Variants in SLC39A11 observed in about 807,000 individuals in gnomAD.
SLC39A11 encodes the protein solute carrier family 39 member 11, also known as zinc transporter ZIP11.
In SLC39A11, 33 loss-of-function variants were observed where a neutral mutation model predicts 36.1. That is an observed-to-expected ratio of 0.91 (90% CI 0.69 to 1.22). SLC39A11 has a LOEUF of 1.22. Among genes scored for constraint, SLC39A11 ranks in the 50% most tolerant of loss-of-function variants. The pLI is 0.00. For synonymous variants in SLC39A11, 166 were observed against 170.3 expected (o/e 0.97, Z 0.20); for missense variants, 432 against 430.3 (o/e 1.00, Z -0.03).
intron 3 of SLC39A11, among the ~76,000 whole-genome samples, chr17:73,083,928 T>G (rs887745561): frequency 1.3e-5 from 2 of 152,230 alleles, no homozygotes; most frequent in African/African-American, 4.8e-5. Context: ...TTATGTTTAT[T>G]TTTAAAAAGT....
At chr17:72,828,628 T>C (rs1170210332) in intron 6 of SLC39A11, among the ~76,000 whole-genome samples, 1 of 152,204 alleles carries the variant, frequency 6.6e-6, no homozygotes, top group Non-Finnish European at 1.5e-5. Context: ...GAGTTCCTGT[T>C]TGAGAGGAGT....
chr17:73,072,689 G>A (rs2060198376), intron 3 of SLC39A11: 1 of 152,182 alleles, frequency 6.6e-6, no homozygotes, highest in African/African-American at 2.4e-5. Context: ...TCCTCCCAGA[G>A]GAATCGGGAG....
At chr17:72,869,641 G>T (rs1411062670) in intron 5 of SLC39A11, among the ~76,000 whole-genome samples, 1 of 152,004 alleles carries the variant, frequency 6.6e-6, no homozygotes, top group African/African-American at 2.4e-5. Flanking sequence ...CGGCCTCCTC[G>T]GCCTCCCAAA....
In SLC39A11 at chr17:73,037,260, T is replaced by C. The variant is rs58288574; in HGVS notation, c.148-5546A>G. Among the ~76,000 whole-genome samples the C allele has an allele frequency of 6.4e-3, 981 of 152,306 alleles. 8 individuals are homozygous for C. The highest frequency in any genetic ancestry group is 0.023 in the African/African-American group (943 of 41,556). On this transcript the variant is annotated intron_variant, in intron 3 of 9. Transcript: ENST00000255559. The stretch of plus-strand genomic sequence containing the variant: ...GGTAAATAAGGGCCAAGGAGTGGAA[T>C]TGTTGGATCCTATGATAAGCATCAC...
chr17:72,947,487 C>A (rs1483467162), intron 5 of SLC39A11: 2 of 513,224 alleles, frequency 3.9e-6, no homozygotes, highest in African/African-American at 3.8e-5. Context: ...CCCCACTGTC[C>A]ACCTGTCCAA....
chr17:73,018,423 C>G (rs984621670), intron 4 of SLC39A11, among the ~76,000 whole-genome samples: 8 of 152,058 alleles, frequency 5.3e-5, no homozygotes, highest in African/African-American at 1.9e-4. Flanking sequence ...TGGCAGGCTC[C>G]TGTAATCTCA....
chr17:72,918,167 G>A (rs1338228439), intron 5 of SLC39A11, among the ~76,000 whole-genome samples: 1 of 152,182 alleles, frequency 6.6e-6, no homozygotes, highest in Admixed American at 6.5e-5. Context: ...CCAGCACTTT[G>A]GGAGGCCGAG....
chr17:72,801,484 C>T (rs1165551181), intron 6 of SLC39A11, among the ~76,000 whole-genome samples: 1 of 152,228 alleles, frequency 6.6e-6, no homozygotes, highest in Non-Finnish European at 1.5e-5. Flanking sequence ...GCCTCAGCCT[C>T]CCAAATCGCT....
chr17:72,678,189 A>G (rs1335633631), intron 7 of SLC39A11, among the ~76,000 whole-genome samples: 2 of 152,208 alleles, frequency 1.3e-5, no homozygotes, highest in South Asian at 4.1e-4. Context: ...CGCTCACAAA[A>G]GCCCATTTAA....
At chr17:72,878,351 AAGAC>A (rs1179948714) in intron 5 of SLC39A11, among the ~76,000 whole-genome samples, 2 of 152,158 alleles carry the variant, frequency 1.3e-5, no homozygotes, top group East Asian at 3.9e-4. Context: ...TTTCCAGAAA[AAGAC>A]AGCCCATTAG....
At chr17:72,860,141 A>G (rs1195285020) in intron 5 of SLC39A11, among the ~76,000 whole-genome samples, 1 of 151,896 alleles carries the variant, frequency 6.6e-6, no homozygotes, top group Non-Finnish European at 1.5e-5. Flanking sequence ...GAGCATGGAA[A>G]GAAAAACCCA....
chr17:72,936,825 CGA>C (rs1567983296), intron 5 of SLC39A11, among the ~76,000 whole-genome samples: 5 of 152,300 alleles, frequency 3.3e-5, no homozygotes, highest in Admixed American at 2.0e-4. Context: ...AAGGAAGGCG[CGA>C]CCTAGATCCC....
intron 5 of SLC39A11, among the ~76,000 whole-genome samples, chr17:72,917,896 G>T (rs755227934): frequency 2.0e-5 from 3 of 152,220 alleles, no homozygotes; most frequent in Non-Finnish European, 4.4e-5. Context: ...ACAGCAGGAA[G>T]GTCTCTGATG....
chr17:72,890,260 A>C lies in SLC39A11; in HGVS notation c.431-40456T>G, dbSNP rs1447019616. ...AGCTTGGGTGACAGAGTGAGACTCC[A>C]TCTCAAACAAACAACAACAACAACA... On this transcript the variant is annotated intron_variant, in intron 5 of 9. Coordinates refer to ENST00000255559, the MANE Select transcript of SLC39A11 (RefSeq NM_139177.4). 4.1e-5 allele frequency among the ~76,000 whole-genome samples: 6 copies of C among 147,368 alleles called. 1 individual carries two copies. Among genetic ancestry groups the C allele is most frequent in the Admixed American group, 3.5e-4 (5 of 14,332 alleles).
chr17:72,933,800 G>A (rs1030566356), intron 5 of SLC39A11, among the ~76,000 whole-genome samples: 1 of 152,142 alleles, frequency 6.6e-6, no homozygotes, highest in African/African-American at 2.4e-5. Context: ...GATTACAGGC[G>A]TGAGCCACCA....
intron 4 of SLC39A11, among the ~76,000 whole-genome samples, chr17:73,002,360 A>G (rs1353477269): frequency 6.6e-6 from 1 of 152,226 alleles, no homozygotes; most frequent in Non-Finnish European, 1.5e-5. Context: ...CAAGTGGCAG[A>G]GCATGCATCT....
At chr17:72,986,020 G>A (rs2088720571) in intron 4 of SLC39A11, among the ~76,000 whole-genome samples, 1 of 152,140 alleles carries the variant, frequency 6.6e-6, no homozygotes, top group Admixed American at 6.5e-5. Flanking sequence ...CTAGGAGAGG[G>A]GCTTGGAGCT....
intron 5 of SLC39A11, among the ~76,000 whole-genome samples, chr17:72,880,333 T>C (rs546860290): frequency 1.3e-5 from 2 of 151,868 alleles, no homozygotes; most frequent in African/African-American, 2.4e-5. Flanking sequence ...CTTTGGGAGG[T>C]TGAGGCAGAT....
At chr17:72,663,847 G>C (rs1389547787) in intron 7 of SLC39A11, 2 of 152,262 alleles carry the variant, frequency 1.3e-5, no homozygotes, top group Non-Finnish European at 2.9e-5. Context: ...AAAACATTTA[G>C]TTCCCCAGCT....
Sources: gnomAD v4.1 joint callset for allele counts (sites outside exome capture counted in the v4.1 genomes callset) on GRCh38, gnomAD v4.1.1 for gene constraint, MANE v1.5 for transcripts, NCBI Gene and HGNC (gene_info 2026-07-23, HGNC 2026-07-21) for gene names.